FAM149A: variants seen among roughly 807,000 people sequenced by gnomAD.
FAM149A encodes protein FAM149A.
Under a neutral mutation model 78.2 loss-of-function variants are expected in FAM149A, and 71 were observed. The ratio of observed to expected loss-of-function variants is 0.91; its 90% CI spans 0.75 to 1.11. The LOEUF (loss-of-function observed/expected upper bound fraction) is 1.11, where lower values mean the gene tolerates loss of function less well. Among genes scored for constraint, FAM149A ranks in the 50% least tolerant of loss-of-function variants. The pLI is 0.00. For missense variants in FAM149A, 1,036 were observed against 971.0 expected, an observed-to-expected ratio of 1.07 and a Z score of -0.89; for synonymous variants, 446 against 410.5, an observed-to-expected ratio of 1.09 and a Z score of -1.04.
intron 1 of FAM149A, among the ~76,000 whole-genome samples, chr4:186,147,335 GATCC>G (rs1579868685): frequency 6.6e-6 from 1 of 152,332 alleles, no homozygotes; most frequent in East Asian, 1.9e-4. Flanking sequence ...AGTGAGCTGT[GATCC>G]TGCCACTGCA....
intron 9 of FAM149A, 117 bp from the exon 10 acceptor site, chr4:186,163,307 T>G: frequency 1.3e-6 from 1 of 747,778 alleles, no homozygotes; most frequent in Non-Finnish European, 2.3e-6. Context: ...AACCCGTGCT[T>G]AGGAGTATGT....
rs372705169 is a variant in FAM149A, at chr4:186,119,408, G to C, written c.566+13766G>C. ...AAATAAAGGCTTTGTCATGATTAAT[G>C]ATTATGGAACTTTGCAATGATTAAA... is the stretch of plus-strand genomic sequence containing the variant. On this transcript the variant is annotated intron_variant, in intron 1 of 13. Transcript: ENST00000389354. Among the ~76,000 whole-genome samples, 20 of 152,298 alleles carry C rather than the reference G, an allele frequency of 1.3e-4. No homozygotes were observed. The East Asian group carries it at 1.9e-3, about 15-fold the overall frequency.
chr4:186,124,489 C>T (rs1228044313), intron 1 of FAM149A, among the ~76,000 whole-genome samples: 5 of 151,466 alleles, frequency 3.3e-5, no homozygotes, highest in East Asian at 1.9e-4. Context: ...GTTCAGTTCC[C>T]ACCTATGAGT....
chr4:186,165,245 TC>T, intron 10 of FAM149A, 98 bp from the exon 11 acceptor site: 1 of 1,351,608 alleles, frequency 7.4e-7, no homozygotes, highest in Non-Finnish European at 1.1e-6. Flanking sequence ...TGTGTGCCCC[TC>T]ACGCAGAAAC....
chr4:186,150,270 C>T (rs576014232), intron 3 of FAM149A, among the ~76,000 whole-genome samples: 3 of 152,100 alleles, frequency 2.0e-5, no homozygotes, highest in East Asian at 1.9e-4. Context: ...CAAGGGTCTC[C>T]GTGGATCCCA....
At position 186,149,242 on chromosome 4, in the gene FAM149A, T is replaced by G; in HGVS notation, c.636T>G (p.His212Gln). 7 of 1,289,476 alleles carry G rather than the reference T, an allele frequency of 5.4e-6. No homozygotes were observed. Among genetic ancestry groups the G allele is most frequent in the Non-Finnish European group, 6.1e-6 (6 of 988,720 alleles). The allele number at this position is 1,289,476 out of a possible 1,614,324, so 79.9% of individuals were successfully genotyped here. A position where few individuals can be genotyped will look rare whatever the true frequency, so the allele number is the denominator to read the frequency against. The stretch of plus-strand genomic sequence containing the variant: ...GGAGCAAAGATTCTTTACCTACGCA[T>G]TTTACAAGAAATGTGCAGAAAGCCA... Residue 212 changes from histidine to glutamine, a missense_variant, in exon 2 of 14, where the codon CAT becomes CAG. His to Gln is a conservative substitution (Grantham distance 24). Transcript: ENST00000389354.
chr4:186,136,976 TTCTCTCTCTCTCTCTCTCTCTC>T (rs70964917), intron 1 of FAM149A, among the ~76,000 whole-genome samples: 4 of 72,094 alleles, frequency 5.5e-5, no homozygotes, highest in Non-Finnish European at 7.7e-5. Flanking sequence ...CTCTCTCTCT[TTCTCTCTCTCTCTCTCTCTCTC>T]TCTCTCTCTC....
At chr4:186,168,237 T>C (rs1000595583) in intron 13 of FAM149A, among the ~76,000 whole-genome samples, 2 of 152,248 alleles carry the variant, frequency 1.3e-5, no homozygotes, top group Non-Finnish European at 2.9e-5. Context: ...CGCTCTGGGC[T>C]GCTGGGCCTT....
intron 3 of FAM149A, among the ~76,000 whole-genome samples, chr4:186,150,481 G>A (rs1482645153): frequency 1.6e-5 from 2 of 128,104 alleles, no homozygotes; most frequent in African/African-American, 2.8e-5. Context: ...GTGCAGGGGC[G>A]CGATCTCGGC....
intron 1 of FAM149A, among the ~76,000 whole-genome samples, chr4:186,136,081 G>A (rs1353173475): frequency 6.6e-6 from 1 of 152,230 alleles, no homozygotes; most frequent in Non-Finnish European, 1.5e-5. Flanking sequence ...ATGTACAACA[G>A]TGGTCTAGCA....
intron 1 of FAM149A, chr4:186,107,347 TA>T (rs2099309194): frequency 6.6e-6 from 1 of 152,254 alleles, no homozygotes; most frequent in African/African-American, 2.4e-5. Flanking sequence ...CATTTGGCAT[TA>T]TTTACATAAG....
intron 1 of FAM149A, chr4:186,107,420 AATT>A (rs1279380390): frequency 1.3e-5 from 2 of 152,154 alleles, no homozygotes; most frequent in South Asian, 2.1e-4. Context: ...TGAATTTTTA[AATT>A]ATTATTACTT....
At chr4:186,143,719 T>G (rs4861703) in intron 1 of FAM149A, among the ~76,000 whole-genome samples, 2 of 151,848 alleles carry the variant, frequency 1.3e-5, no homozygotes, top group Non-Finnish European at 2.9e-5. Context: ...TAGTAGAGAC[T>G]GGGGTTTCAC....
At chr4:186,155,112 A>G (rs28368428) in intron 6 of FAM149A, 9,658 of 175,958 alleles carry the variant, frequency 0.055, 963 homozygotes, top group African/African-American at 0.21. Flanking sequence ...GCAGGCGCCC[A>G]CCACCACGCC....
rs544515184 is a variant in FAM149A at position 186,147,655 on chromosome 4, A to G, written c.567-1518A>G. On this transcript the variant is annotated intron_variant, in intron 1 of 13. Transcript: ENST00000389354. ...TCAGTCATATATTAACTCCTATACC[A>G]GTATGTTTTTCTTAGTGTTCAAAAC... 7.9e-5 allele frequency among the ~76,000 whole-genome samples: 12 copies of G among 152,360 alleles called. No homozygotes were observed. The South Asian group carries it at 1.4e-3, about 18-fold the overall frequency.
chr4:186,172,265 C>A lies in FAM149A; in HGVS notation c.*278C>A. 1 of 330,960 alleles carries A rather than the reference C, an allele frequency of 3.0e-6. No homozygotes were observed. The allele number at this position is 330,960 out of a possible 1,614,324, so 20.5% of individuals were successfully genotyped here. A position where few individuals can be genotyped will look rare whatever the true frequency, so the allele number is the denominator to read the frequency against. ...GTGTGTTTGCAGTCCGTCATTTTATCAATGATACGCAAACATAATTAGCAT... is the reference window on the plus strand; with the variant it reads ...GTGTGTTTGCAGTCCGTCATTTTATAAATGATACGCAAACATAATTAGCAT... On this transcript the variant is annotated 3_prime_UTR_variant, in exon 14 of 14. Transcript: ENST00000389354.
rs2099308090 is a variant in FAM149A, at chr4:186,104,759, G to GGCGGCGA, written c.-312_-311insAGCGGCG. 6.6e-6 allele frequency among the ~76,000 whole-genome samples: 1 copy of GGCGGCGA among 150,742 alleles called. No homozygotes were observed. On this transcript the variant is annotated 5_prime_UTR_variant, in exon 1 of 14. Transcript: ENST00000389354. ...TAGCAACCGCGGGCGGCGGGCGGCGGGCGGCGGGCGTCTGGGGCGGGCGGC... is the reference window on the plus strand; with the variant it reads ...TAGCAACCGCGGGCGGCGGGCGGCGGGCGGCGAGCGGCGGGCGTCTGGGGCGGGCGGC...
At chr4:186,163,875 G>T (rs1309852703) in intron 10 of FAM149A, among the ~76,000 whole-genome samples, 2 of 152,198 alleles carry the variant, frequency 1.3e-5, no homozygotes, top group Non-Finnish European at 2.9e-5. Context: ...GATGCTGGGG[G>T]ACCTTGGGTG....
At chr4:186,110,908 C>T (rs1372643332) in intron 1 of FAM149A, among the ~76,000 whole-genome samples, 1 of 144,512 alleles carries the variant, frequency 6.9e-6, no homozygotes, top group East Asian at 2.0e-4. Context: ...GGGTATATAC[C>T]CAGTAATGGG....
Sources: gnomAD v4.1 joint callset for allele counts (sites outside exome capture counted in the v4.1 genomes callset) on GRCh38, gnomAD v4.1.1 for gene constraint, MANE v1.5 for transcripts, NCBI Gene and HGNC (gene_info 2026-07-23, HGNC 2026-07-21) for gene names.